The following NAPSA variants were observed in gnomAD, a reference collection of about 807,000 sequenced individuals.
NAPSA encodes the protein napsin A aspartic peptidase.
In NAPSA, 37 loss-of-function variants were observed where a neutral mutation model predicts 36.7. The observed-to-expected ratio is 1.01, with a 90% CI of 0.78 to 1.33. The LOEUF (loss-of-function observed/expected upper bound fraction) is 1.33. Ranked by LOEUF, NAPSA falls within the 40% of genes most tolerant of loss-of-function variation. The pLI, the probability that NAPSA is intolerant of heterozygous loss-of-function variation, is 0.00. For missense variants in NAPSA, 532 were observed against 543.8 expected (o/e 0.98, Z 0.21); for synonymous variants, 222 against 234.5 (o/e 0.95, Z 0.49).
At chr19:50,359,479 G>C in intron 7 of NAPSA, 24 bp downstream of exon 7, 1 of 1,613,606 alleles carries the variant, frequency 6.2e-7, no homozygotes, top group Non-Finnish European at 8.5e-7. Context: ...TTCCCAGCCC[G>C]TACCCACCAG....
At chr19:50,366,646 G>GCTAT (rs1555784819), upstream of NAPSA, among the ~76,000 whole-genome samples, 15 of 144,944 alleles carry the variant, frequency 1.0e-4, no homozygotes, top group African/African-American at 3.8e-4. Context: ...GCATTGATGA[G>GCTAT]TTATTTATTT....
At chr19:50,362,148 G>C in intron 2 of NAPSA, 24 bp downstream of exon 2, 6 of 1,612,342 alleles carry the variant, frequency 3.7e-6, no homozygotes, top group Non-Finnish European at 5.1e-6. Context: ...GCAGGGGTGA[G>C]GGCTGTGTGG....
Position 50,362,172 on chromosome 19 carries a change from A to G in NAPSA, c.225T>C (p.Asp75=), listed in dbSNP as rs368354318. The change falls in exon 2 of 9, where the codon GAT becomes GAC. Residue 75 remains aspartate (D), a splice_region_variant and synonymous_variant. Coordinates refer to ENST00000253719, the MANE Select transcript of NAPSA (RefSeq NM_004851.3). ...AGGGCTGTGTGGGGCTGTGACTCAC[A>G]TCCCTGTAGTTCGAGAGAGGTACGA... The part of the protein sequence containing the change: ...PIFVPLSNYR[D]VQYFGEIGLG... The G allele has an allele frequency of 4.3e-6, 7 of 1,612,888 alleles. No homozygotes were observed. The African/African-American group carries it at 9.3e-5, about 22-fold the overall frequency.
rs776147684 is a variant in NAPSA at position 50,365,585 on chromosome 19, G to A, written c.37C>T (p.Leu13=). ...GGCTCCACATTCAGCAGAGGCAGCA[G>A]CAGCAGCAGGGGTTGCAGCAGCGGT... ...PPPLLQPLLL[L]LPLLNVEPSG... Residue 13 remains leucine (L), a synonymous_variant, in exon 1 of 9, where the codon CTG becomes TTG. Transcript: ENST00000253719. The A allele has an allele frequency of 2.0e-5, 32 of 1,613,574 alleles. No individual in the cohort carries two copies. In the Admixed American group the frequency reaches 2.5e-4, roughly 13 times the overall value.
At chr19:50,361,491 C>G (rs147023986) in intron 4 of NAPSA, 172 bp downstream of exon 4, 3 of 648,038 alleles carry the variant, frequency 4.6e-6, no homozygotes, top group Non-Finnish European at 8.1e-6. Flanking sequence ...AGCCCCTCCC[C>G]CTCCTTGTGA....
In NAPSA at chr19:50,365,528, G is replaced by A. The variant is rs1169067238; in HGVS notation, c.83+11C>T. On this transcript the variant is annotated intron_variant, in intron 1 of 8. Coordinates refer to ENST00000253719, the MANE Select transcript of NAPSA (RefSeq NM_004851.3). Reference sequence around the variant, plus strand: ...CTCCTAAGGTTGGGGTGGTAGATGGGGTCACCATACCGGATCAGTGTGGCC... The same window carrying A: ...CTCCTAAGGTTGGGGTGGTAGATGGAGTCACCATACCGGATCAGTGTGGCC... 3.1e-6 allele frequency: 5 copies of A among 1,610,576 alleles called. No homozygotes were observed. Among genetic ancestry groups the A allele is most frequent in the Middle Eastern group, 1.7e-4 (1 of 5,970 alleles).
rs776231658 is a variant in NAPSA, at chr19:50,361,801, G to A, written c.350-20C>T. The A allele has an allele frequency of 6.2e-7, 1 of 1,610,774 alleles. No homozygotes were observed. Among genetic ancestry groups the A allele is most frequent in the South Asian group, 1.1e-5 (1 of 90,980 alleles). ...GTAACCCTAGGTTAGAGGTCAGAAA[G>A]GTGTCATGGGGGAGGGAATCTCCCC... On this transcript the variant is annotated intron_variant, in intron 3 of 8. Transcript: ENST00000253719.
chr19:50,359,240 C>G, intron 7 of NAPSA, 131 bp from the exon 8 acceptor site: 1 of 902,512 alleles, frequency 1.1e-6, no homozygotes. Flanking sequence ...TGCAGAGGCC[C>G]TGCCGCCTAG....
intron 1 of NAPSA, 108 bp downstream of exon 1, chr19:50,365,431 G>C: frequency 9.9e-7 from 1 of 1,012,102 alleles, no homozygotes; most frequent in Non-Finnish European, 1.5e-6. Context: ...AAGCTCTAGG[G>C]ATCCTGGGTG....
chr19:50,359,940 C>T, intron 5 of NAPSA, 78 bp from the exon 6 acceptor site: 1 of 1,540,228 alleles, frequency 6.5e-7, no homozygotes, highest in Non-Finnish European at 8.8e-7. Flanking sequence ...CCAGGAATGG[C>T]ACTTCCCACC....
upstream of NAPSA, chr19:50,365,688 C>G: frequency 7.5e-7 from 1 of 1,337,864 alleles, no homozygotes; most frequent in Non-Finnish European, 1.0e-6. Context: ...TGACTCCACC[C>G]TGTTCATGCC....
chr19:50,362,281 C>G lies in NAPSA; in HGVS notation c.116G>C (p.Arg39Thr). The change falls in exon 2 of 9, where the codon AGG becomes ACG. Residue 39 changes from arginine (R) to threonine (T), a missense_variant. By Grantham distance (71) the Arg-to-Thr change is moderately conservative. Coordinates refer to ENST00000253719, the MANE Select transcript of NAPSA (RefSeq NM_004851.3). The stretch of plus-strand genomic sequence containing the variant: ...CCATCCCCTCAGTAGGTTCAGGATC[C>G]TGCGTCCAGGTTGGACTCGATGAAG... ...IPLHRVQPGR[R>T]ILNLLRGWRE... 1 of 1,612,506 alleles carries G rather than the reference C, an allele frequency of 6.2e-7. No homozygotes were observed. Among genetic ancestry groups the G allele is most frequent in the East Asian group, 2.2e-5 (1 of 44,854 alleles).
At chr19:50,358,908 G>C (rs2037432106) in intron 8 of NAPSA, 103 bp downstream of exon 8, 4 of 1,351,884 alleles carry the variant, frequency 3.0e-6, no homozygotes, top group Admixed American at 2.1e-5. Flanking sequence ...ACAGGGAAAA[G>C]AAATGTTTCT....
intron 1 of NAPSA, 32 bp downstream of exon 1, chr19:50,365,507 T>C: frequency 6.2e-7 from 1 of 1,601,804 alleles, no homozygotes; most frequent in Non-Finnish European, 8.5e-7. Flanking sequence ...AAATCCCTCC[T>C]AAGGTTGGGG....
At chr19:50,369,158 T>A (rs2123626971), upstream of NAPSA, 1 of 152,332 alleles carries the variant, frequency 6.6e-6, no homozygotes, top group Non-Finnish European at 1.5e-5. Context: ...GTCATTTTAT[T>A]TACTAACCTT....
At position 50,359,865 on chromosome 19, in the gene NAPSA, G is replaced by T. The variant is rs1185722746; in HGVS notation, c.669-3C>A. ...CTCCATCAGGCTCTTCAGGGTCCCTGCAGGGGCAGAGTGTAGAGAGTGTAG... is the reference window on the plus strand; with the variant it reads ...CTCCATCAGGCTCTTCAGGGTCCCTTCAGGGGCAGAGTGTAGAGAGTGTAG... On this transcript the variant is annotated splice_polypyrimidine_tract_variant and splice_region_variant and intron_variant, in intron 5 of 8. Transcript: ENST00000253719. 3 of 1,613,628 alleles carry T rather than the reference G, an allele frequency of 1.9e-6. No homozygotes were observed. Among genetic ancestry groups the T allele is most frequent in the Non-Finnish European group, 2.5e-6 (3 of 1,179,764 alleles).
At chr19:50,365,176 A>G (rs2037531375) in intron 1 of NAPSA, among the ~76,000 whole-genome samples, 1 of 151,490 alleles carries the variant, frequency 6.6e-6, no homozygotes, top group Non-Finnish European at 1.5e-5. Context: ...TCTACTAAAA[A>G]TACAAAAATT....
At position 50,358,776 on chromosome 19, in the gene NAPSA, G is replaced by A; in HGVS notation, c.1040C>T (p.Thr347Ile). ...CAAGCAGAGGCGGACGCCATTTCGA[G>A]TAGTCTGCAAGGCAACAAGACGACA... ...LTAHDYVIQT[T>I]RNGVRLCLSG... The change falls in exon 9 of 9, where the codon ACT (threonine) becomes ATT (isoleucine). Residue 347 changes from threonine to isoleucine, a missense_variant. Thr to Ile is a moderately conservative substitution (Grantham distance 89). Transcript: ENST00000253719. 1 of 1,611,010 alleles carries A rather than the reference G, an allele frequency of 6.2e-7. No homozygotes were observed. Among genetic ancestry groups the A allele is most frequent in the Non-Finnish European group, 8.5e-7 (1 of 1,179,128 alleles).
In NAPSA at chr19:50,360,928, C is replaced by T; in HGVS notation, c.668+13G>A. The stretch of plus-strand genomic sequence containing the variant: ...GGGATAGGACTCATAGATAGGTGCA[C>T]ACTTCCCAGTACCTGTTGAGGTAAA... On this transcript the variant is annotated intron_variant, in intron 5 of 8. Transcript: ENST00000253719. The T allele has an allele frequency of 6.2e-7, 1 of 1,611,786 alleles. No individual in the cohort carries two copies. The highest frequency in any genetic ancestry group is 8.5e-7 in the Non-Finnish European group (1 of 1,178,618).
Sources: allele counts gnomAD v4.1 joint callset (sites outside exome capture counted in the v4.1 genomes callset), GRCh38; gene constraint gnomAD v4.1.1; transcripts MANE v1.5; gene names NCBI Gene and HGNC (gene_info 2026-07-23, HGNC 2026-07-21).